The following ELAPOR2 variants were observed in gnomAD, a reference collection of about 807,000 sequenced individuals.
The protein encoded by ELAPOR2 is endosome-lysosome associated apoptosis and autophagy regulator family member 2.
Under a neutral mutation model 120.7 loss-of-function variants are expected in ELAPOR2, and 89 were observed. That is an observed-to-expected ratio of 0.74 (90% confidence interval 0.62 to 0.88). The LOEUF (loss-of-function observed/expected upper bound fraction) is 0.88. ELAPOR2 is among the 40% of genes least tolerant of loss of function. ELAPOR2 has a pLI of 0.00. For synonymous variants in ELAPOR2, 444 were observed against 444.9 expected, an observed-to-expected ratio of 1.00 and a Z score of 0.03; for missense variants, 1,134 against 1,251.6, an observed-to-expected ratio of 0.91 and a Z score of 1.42.
intron 1 of ELAPOR2, among the ~76,000 whole-genome samples, chr7:87,000,912 C>T: frequency 7.8e-6 from 1 of 127,900 alleles, no homozygotes; most frequent in East Asian, 2.1e-4. Context: ...GATGTATGAC[C>T]TGGGAACTTT....
Position 86,891,850 on chromosome 7 carries a change from G to A in ELAPOR2, c.2904C>T (p.Asn968=). 6.2e-7 allele frequency: 1 copy of A among 1,610,082 alleles called. No homozygotes were observed. ...CAGCCGGGAGTTCACACTCTTTTGA[G>A]TTAGTCGTCATTACTAACTTGGAAT... ...YKYSKLVMTT[N]SKECELPAAD... is the part of the protein sequence containing the mutation. The change falls in exon 21 of 22, where the codon AAC becomes AAT. Residue 968 remains asparagine (N), a synonymous_variant. Transcript: ENST00000450689.
At chr7:86,962,869 G>A (rs1791769568) in intron 2 of ELAPOR2, among the ~76,000 whole-genome samples, 1 of 152,194 alleles carries the variant, frequency 6.6e-6, no homozygotes, top group Non-Finnish European at 1.5e-5. Context: ...GCCTTCAGCA[G>A]CCAAACACTA....
intron 1 of ELAPOR2, among the ~76,000 whole-genome samples, chr7:87,003,965 G>A (rs1793394293): frequency 6.6e-6 from 1 of 152,108 alleles, no homozygotes; most frequent in South Asian, 2.1e-4. Context: ...CTTGAACATG[G>A]CTCAAAGGAA....
intron 1 of ELAPOR2, among the ~76,000 whole-genome samples, chr7:87,008,774 A>G (rs1235883730): frequency 1.3e-5 from 2 of 152,216 alleles, no homozygotes; most frequent in African/African-American, 4.8e-5. Context: ...AAACAATGAG[A>G]CAGAGAGAGA....
chr7:86,901,353 G>T (rs1336167863), intron 18 of ELAPOR2, among the ~76,000 whole-genome samples: 4 of 152,202 alleles, frequency 2.6e-5, no homozygotes, highest in Admixed American at 2.6e-4. Context: ...AATTCTAAAA[G>T]GGGATACATT....
chr7:86,973,307 A>T (rs780020812), intron 1 of ELAPOR2, among the ~76,000 whole-genome samples: 1 of 152,152 alleles, frequency 6.6e-6, no homozygotes, highest in African/African-American at 2.4e-5. Context: ...TTATTCATAT[A>T]TGAAATATTG....
chr7:86,888,771 A>G (rs1385078165), intron 21 of ELAPOR2, among the ~76,000 whole-genome samples: 1 of 152,132 alleles, frequency 6.6e-6, no homozygotes, highest in Admixed American at 6.5e-5. Flanking sequence ...AGGAGACATC[A>G]TTATATGAGG....
intron 18 of ELAPOR2, among the ~76,000 whole-genome samples, chr7:86,900,310 C>G (rs575964152): frequency 6.6e-6 from 1 of 152,106 alleles, no homozygotes; most frequent in Admixed American, 6.5e-5. Flanking sequence ...ACTGGACACT[C>G]GAATGATTAT....
chr7:87,043,654 C>A (rs1794855474), intron 1 of ELAPOR2, among the ~76,000 whole-genome samples: 1 of 148,824 alleles, frequency 6.7e-6, no homozygotes, highest in Non-Finnish European at 1.5e-5. Context: ...CAGCCAATAT[C>A]ATACTGAATG....
intron 1 of ELAPOR2, among the ~76,000 whole-genome samples, chr7:86,999,104 G>A (rs1437407117): frequency 2.0e-5 from 3 of 151,096 alleles, no homozygotes; most frequent in Non-Finnish European, 4.4e-5. Context: ...CTGCAGAAGG[G>A]AGGTAAAAGG....
chr7:87,008,866 C>A (rs912102666), intron 1 of ELAPOR2, among the ~76,000 whole-genome samples: 1 of 152,044 alleles, frequency 6.6e-6, no homozygotes, highest in Non-Finnish European at 1.5e-5. Context: ...ACTAGCCTTG[C>A]AATTTTTCTT....
intron 1 of ELAPOR2, among the ~76,000 whole-genome samples, chr7:86,984,736 A>G (rs931467113): frequency 3.3e-5 from 5 of 152,232 alleles, no homozygotes; most frequent in African/African-American, 9.6e-5. Context: ...GAAAGCATGA[A>G]AGACCTAAAA....
At chr7:86,952,611 C>A (rs535815701) in intron 2 of ELAPOR2, among the ~76,000 whole-genome samples, 2 of 152,144 alleles carry the variant, frequency 1.3e-5, no homozygotes, top group Admixed American at 6.5e-5. Context: ...TTTTAATGTA[C>A]TACTCCTAAA....
chr7:86,955,947 T>A (rs1791451663), intron 2 of ELAPOR2, among the ~76,000 whole-genome samples: 2 of 117,342 alleles, frequency 1.7e-5, no homozygotes, highest in African/African-American at 3.3e-5. Context: ...AGAAAAGAAC[T>A]CTGCAAAAAA....
chr7:86,899,939 T>C (rs773544805), intron 18 of ELAPOR2, among the ~76,000 whole-genome samples: 2 of 151,862 alleles, frequency 1.3e-5, no homozygotes, highest in Non-Finnish European at 2.9e-5. Context: ...ATGAAAACCA[T>C]GCCACATAAA....
At chr7:87,043,455 A>G (rs1418209302) in intron 1 of ELAPOR2, among the ~76,000 whole-genome samples, 7 of 151,894 alleles carry the variant, frequency 4.6e-5, no homozygotes. Context: ...GGCTGGTTCA[A>G]TATACGCAAA....
At position 86,894,716 on chromosome 7, in the gene ELAPOR2, T is replaced by C. The variant is rs900884911; in HGVS notation, c.2686-1616A>G. On this transcript the variant is annotated intron_variant, in intron 19 of 21. Coordinates refer to ENST00000450689, the MANE Select transcript of ELAPOR2 (RefSeq NM_001142749.3). ...CCACACATCATTGGAAAACAAAAAATGGCTGACACTGCAGCTGAAAAATTT... is the reference window on the plus strand; with the variant it reads ...CCACACATCATTGGAAAACAAAAAACGGCTGACACTGCAGCTGAAAAATTT... 2.0e-5 allele frequency among the ~76,000 whole-genome samples: 3 copies of C among 152,152 alleles called. 1 individual carries two copies. The highest frequency in any genetic ancestry group is 4.1e-4 in the South Asian group (2 of 4,830).
intron 10 of ELAPOR2, among the ~76,000 whole-genome samples, chr7:86,924,701 C>T (rs1789985475): frequency 6.6e-6 from 1 of 151,782 alleles, no homozygotes; most frequent in Non-Finnish European, 1.5e-5. Flanking sequence ...TATTATTTGT[C>T]AATCTCTGTG....
chr7:86,913,919 T>C (rs116743822), intron 13 of ELAPOR2, among the ~76,000 whole-genome samples: 4,172 of 152,256 alleles, frequency 0.027, 148 homozygotes, highest in African/African-American at 0.08. Flanking sequence ...GGGACAAAGA[T>C]AAATGGAAGG....
Sources: gnomAD v4.1 joint callset for allele counts (sites outside exome capture counted in the v4.1 genomes callset) on GRCh38, gnomAD v4.1.1 for gene constraint, MANE v1.5 for transcripts, NCBI Gene and HGNC (gene_info 2026-07-23, HGNC 2026-07-21) for gene names.